Variants in CACUL1 observed in about 807,000 individuals in gnomAD.
CACUL1 encodes CDK2 associated cullin domain 1, also known as CDK2-associated and cullin domain-containing protein 1.
CACUL1 carries 13 observed loss-of-function variants against 45.2 expected under a neutral mutation model. The observed-to-expected ratio is 0.29, with a 90% CI of 0.19 to 0.46. The LOEUF (loss-of-function observed/expected upper bound fraction) is 0.46. Ranked by LOEUF, CACUL1 falls within the 20% of genes least tolerant of loss-of-function variation. CACUL1 has a pLI of 1.00. For synonymous variants in CACUL1, 197 were observed against 174.2 expected (o/e 1.13, Z -1.03); for missense variants, 421 against 471.4 (o/e 0.89, Z 0.99).
At chr10:118,726,929 C>T (rs891753603) in intron 3 of CACUL1, among the ~76,000 whole-genome samples, 5 of 152,094 alleles carry the variant, frequency 3.3e-5, no homozygotes, top group Admixed American at 1.3e-4. Flanking sequence ...AACCACTCCC[C>T]GCTGCTATTT....
intron 2 of CACUL1, among the ~76,000 whole-genome samples, 160 bp from the exon 3 acceptor site, chr10:118,729,557 C>T (rs1845680548): frequency 6.6e-6 from 1 of 152,200 alleles, no homozygotes; most frequent in African/African-American, 2.4e-5. Flanking sequence ...TTATCCTCCC[C>T]CATCGGTGTT....
intron 1 of CACUL1, among the ~76,000 whole-genome samples, chr10:118,736,580 T>C (rs1845742892): frequency 6.6e-6 from 1 of 151,670 alleles, no homozygotes; most frequent in Admixed American, 6.6e-5. Context: ...TGGGCTCAAG[T>C]GATCTGCCTG....
At chr10:118,711,101 A>G (rs1845480690) in intron 3 of CACUL1, among the ~76,000 whole-genome samples, 1 of 152,220 alleles carries the variant, frequency 6.6e-6, no homozygotes, top group African/African-American at 2.4e-5. Flanking sequence ...TGTTTTTGAG[A>G]TGGAGTCTTG....
intron 6 of CACUL1, among the ~76,000 whole-genome samples, chr10:118,694,746 C>T (rs760655042): frequency 2.6e-5 from 4 of 152,100 alleles, no homozygotes; most frequent in Non-Finnish European, 5.9e-5. Flanking sequence ...GTAACTTTAC[C>T]AACACTTCTA....
chr10:118,732,751 C>T lies in CACUL1; in HGVS notation c.368-2341G>A, dbSNP rs904988746. Among the ~76,000 whole-genome samples the T allele has an allele frequency of 7.9e-5, 12 of 152,110 alleles. No individual in the cohort carries two copies. In the South Asian group the frequency reaches 2.3e-3, roughly 29 times the overall value. The stretch of plus-strand genomic sequence containing the variant: ...CTTCCCTGCCTCACTTCCCCAATCC[C>T]CCTAGAGCTGCTTCCCAGGGTCACC... On this transcript the variant is annotated intron_variant, in intron 1 of 8. Coordinates refer to ENST00000369151, the MANE Select transcript of CACUL1 (RefSeq NM_153810.5).
chr10:118,729,560 T>C (rs756185032), intron 2 of CACUL1, among the ~76,000 whole-genome samples, 163 bp from the exon 3 acceptor site: 2 of 152,204 alleles, frequency 1.3e-5, no homozygotes, highest in Admixed American at 1.3e-4. Context: ...TCCTCCCCCA[T>C]CGGTGTTCGG....
intron 3 of CACUL1, among the ~76,000 whole-genome samples, chr10:118,725,782 C>G (rs987244715): frequency 4.6e-5 from 7 of 152,204 alleles, no homozygotes; most frequent in African/African-American, 1.7e-4. Flanking sequence ...AAAATATTTA[C>G]ATTCAACAAA....
chr10:118,703,546 TTGTA>T (rs1845405134), intron 4 of CACUL1, among the ~76,000 whole-genome samples: 1 of 152,230 alleles, frequency 6.6e-6, no homozygotes, highest in Non-Finnish European at 1.5e-5. Flanking sequence ...ATATACATAT[TTGTA>T]TGTATTTATG....
intron 3 of CACUL1, among the ~76,000 whole-genome samples, chr10:118,721,634 G>A (rs138856499): frequency 1.3e-5 from 2 of 152,084 alleles, no homozygotes; most frequent in East Asian, 3.9e-4. Context: ...TAATATCGGC[G>A]CTAATCTTCC....
At chr10:118,727,107 C>T (rs1589614266) in intron 3 of CACUL1, among the ~76,000 whole-genome samples, 1 of 152,212 alleles carries the variant, frequency 6.6e-6, no homozygotes, top group Non-Finnish European at 1.5e-5. Flanking sequence ...ACTAACATCA[C>T]GCTGGGCACA....
chr10:118,736,015 A>G (rs1845737767), intron 1 of CACUL1, among the ~76,000 whole-genome samples: 1 of 152,196 alleles, frequency 6.6e-6, no homozygotes, highest in Non-Finnish European at 1.5e-5. Context: ...TCATCTGTGA[A>G]TAACAATCTA....
intron 1 of CACUL1, among the ~76,000 whole-genome samples, chr10:118,751,399 T>A (rs188258170): frequency 4.2e-4 from 64 of 152,342 alleles, no homozygotes; most frequent in Admixed American, 3.9e-3. Flanking sequence ...ATTTGGAGTC[T>A]ATCCATTTAT....
chr10:118,739,088 C>T (rs11597914), intron 1 of CACUL1, among the ~76,000 whole-genome samples: 39,332 of 150,950 alleles, frequency 0.26, 6,481 homozygotes, highest in South Asian at 0.37. Flanking sequence ...CCCAGCTACT[C>T]GGGAGGCTGA....
At chr10:118,703,403 T>TA (rs946872318) in intron 4 of CACUL1, among the ~76,000 whole-genome samples, 3 of 152,270 alleles carry the variant, frequency 2.0e-5, no homozygotes, top group South Asian at 2.1e-4. Flanking sequence ...GATTTTTCTC[T>TA]AAAAAAACAG....
At chr10:118,695,334 G>C (rs1845312483) in intron 5 of CACUL1, 104 bp from the exon 6 acceptor site, 1 of 707,892 alleles carries the variant, frequency 1.4e-6, no homozygotes, top group African/African-American at 1.8e-5. Flanking sequence ...ACAATTGTAA[G>C]AAAGGAACAG....
intron 1 of CACUL1, among the ~76,000 whole-genome samples, chr10:118,741,646 T>C (rs913477058): frequency 6.6e-6 from 1 of 152,164 alleles, no homozygotes; most frequent in African/African-American, 2.4e-5. Flanking sequence ...CTCTTATCTT[T>C]TAAAATTGTA....
chr10:118,699,697 T>C (rs1167143807), intron 5 of CACUL1, among the ~76,000 whole-genome samples: 1 of 151,804 alleles, frequency 6.6e-6, no homozygotes, highest in East Asian at 1.9e-4. Flanking sequence ...CAGGCTGGAG[T>C]GCAGTGACGC....
chr10:118,751,105 G>C (rs1334394839), intron 1 of CACUL1, among the ~76,000 whole-genome samples: 3 of 151,874 alleles, frequency 2.0e-5, no homozygotes, highest in Non-Finnish European at 4.4e-5. Flanking sequence ...AATATCCTTT[G>C]CCTATTTTTC....
intron 1 of CACUL1, among the ~76,000 whole-genome samples, chr10:118,738,915 A>AAAAAAAAAAAT (rs59742595): frequency 6.8e-6 from 1 of 147,522 alleles, no homozygotes; most frequent in African/African-American, 2.6e-5. Flanking sequence ...AAAAAAAAAA[A>AAAAAAAAAAAT]GCCTGGGCGC....
Sources: allele counts gnomAD v4.1 joint callset (sites outside exome capture counted in the v4.1 genomes callset), GRCh38; gene constraint gnomAD v4.1.1; transcripts MANE v1.5; gene names NCBI Gene and HGNC (gene_info 2026-07-23, HGNC 2026-07-21).